GMDS: variants seen among roughly 807,000 people sequenced by gnomAD.
GMDS encodes the protein GDP-mannose 4,6-dehydratase, also known as GDP-mannose 4,6 dehydratase.
Under a neutral mutation model 49.9 loss-of-function variants are expected in GMDS, and 20 were observed. The ratio of observed to expected loss-of-function variants is 0.40; its 90% CI spans 0.28 to 0.58. The LOEUF (loss-of-function observed/expected upper bound fraction) is 0.58, where lower values mean the gene tolerates loss of function less well. Among genes scored for constraint, GMDS ranks in the 20% least tolerant of loss-of-function variants. The probability of loss-of-function intolerance (pLI) is 0.42; values close to 1 mark genes in which losing one functional copy is unlikely to be tolerated. For missense variants in GMDS, 362 were observed against 481.4 expected, an observed-to-expected ratio of 0.75 and a Z score of 2.32; for synonymous variants, 177 against 178.6, an observed-to-expected ratio of 0.99 and a Z score of 0.07.
intron 1 of GMDS, among the ~76,000 whole-genome samples, chr6:2,215,398 A>G (rs527804587): frequency 3.2e-4 from 49 of 152,306 alleles, no homozygotes; most frequent in Middle Eastern, 6.8e-3. Context: ...AGCAAAAGGA[A>G]AAATGAGAGC....
intron 9 of GMDS, among the ~76,000 whole-genome samples, chr6:1,723,530 T>C (rs1430190341): frequency 6.6e-6 from 1 of 151,802 alleles, no homozygotes; most frequent in Non-Finnish European, 1.5e-5. Context: ...GGGGTTTCAC[T>C]GTGTTAGCCA....
intron 4 of GMDS, among the ~76,000 whole-genome samples, chr6:2,105,127 A>G (rs917190066): frequency 7.8e-5 from 11 of 140,890 alleles, no homozygotes; most frequent in African/African-American, 2.9e-4. Flanking sequence ...GCTTGCAGTG[A>G]GCGGAGATCA....
At chr6:2,059,034 G>T (rs1202518756) in intron 4 of GMDS, among the ~76,000 whole-genome samples, 2 of 151,752 alleles carry the variant, frequency 1.3e-5, no homozygotes, top group Non-Finnish European at 2.9e-5. Flanking sequence ...AAATTAGCTG[G>T]GTGTGGTGGC....
At chr6:2,031,316 T>A (rs942207765) in intron 4 of GMDS, among the ~76,000 whole-genome samples, 2 of 152,164 alleles carry the variant, frequency 1.3e-5, no homozygotes, top group Admixed American at 1.3e-4. Flanking sequence ...AATTCACTCA[T>A]TCAATCAGTT....
Position 1,624,557 on chromosome 6 carries a change from G to A in GMDS, c.988-17C>T. 6.2e-7 allele frequency: 1 copy of A among 1,605,086 alleles called. No individual in the cohort carries two copies. The highest frequency in any genetic ancestry group is 8.5e-7 in the Non-Finnish European group (1 of 1,172,238). On this transcript the variant is annotated splice_polypyrimidine_tract_variant and intron_variant, in intron 9 of 10. Coordinates refer to ENST00000380815, the MANE Select transcript of GMDS (RefSeq NM_001500.4). ...CAGAAAGTCCTAGGGAAGAAGAGGGGGAGACGAAGCAGGCGTGGGTCGTGG... is the reference window on the plus strand; with the variant it reads ...CAGAAAGTCCTAGGGAAGAAGAGGGAGAGACGAAGCAGGCGTGGGTCGTGG...
intron 7 of GMDS, among the ~76,000 whole-genome samples, chr6:1,926,457 G>A (rs1762013330): frequency 6.6e-6 from 1 of 152,192 alleles, no homozygotes; most frequent in African/African-American, 2.4e-5. Flanking sequence ...TCTGCGAGGG[G>A]GATAAGGGAA....
chr6:1,924,810 G>A (rs749826712), intron 7 of GMDS, among the ~76,000 whole-genome samples: 1 of 152,176 alleles, frequency 6.6e-6, no homozygotes, highest in Non-Finnish European at 1.5e-5. Flanking sequence ...TCGTGAAGCT[G>A]CTTGAGCCTA....
chr6:1,808,932 C>T (rs1477674934), intron 7 of GMDS, among the ~76,000 whole-genome samples: 1 of 147,326 alleles, frequency 6.8e-6, no homozygotes, highest in African/African-American at 2.6e-5. Context: ...GTGTGTACAC[C>T]TATACACATC....
At chr6:2,174,546 T>C (rs1778176358) in intron 1 of GMDS, among the ~76,000 whole-genome samples, 3 of 151,440 alleles carry the variant, frequency 2.0e-5, no homozygotes, top group Admixed American at 6.6e-5. Flanking sequence ...TGGTGCCTAG[T>C]TTTTTTTGTT....
chr6:2,052,533 C>T (rs1188744890), intron 4 of GMDS, among the ~76,000 whole-genome samples: 1 of 152,132 alleles, frequency 6.6e-6, no homozygotes, highest in Non-Finnish European at 1.5e-5. Flanking sequence ...ATATCTTTGC[C>T]ATCTAAAATC....
At chr6:1,905,612 C>T (rs1760725266) in intron 7 of GMDS, among the ~76,000 whole-genome samples, 2 of 134,654 alleles carry the variant, frequency 1.5e-5, no homozygotes, top group African/African-American at 5.7e-5. Flanking sequence ...TAGGTGGGAC[C>T]TCAAAGGTAC....
intron 4 of GMDS, among the ~76,000 whole-genome samples, chr6:1,971,280 T>C (rs989343432): frequency 3.9e-5 from 6 of 152,154 alleles, no homozygotes; most frequent in Non-Finnish European, 8.8e-5. Flanking sequence ...CAGCCTCTTC[T>C]ATTTGCCTCC....
At chr6:1,706,245 A>G (rs1765732244) in intron 9 of GMDS, among the ~76,000 whole-genome samples, 1 of 152,164 alleles carries the variant, frequency 6.6e-6, no homozygotes, top group Admixed American at 6.5e-5. Context: ...GGCACAGCTG[A>G]TGATTCTGAG....
In GMDS at chr6:1,854,393, G is replaced by A. The variant is rs116690712; in HGVS notation, c.771+75710C>T. Among the ~76,000 whole-genome samples the A allele has an allele frequency of 4.6e-3, 704 of 152,300 alleles. 4 individuals are homozygous for A. The highest frequency in any genetic ancestry group is 0.016 in the African/African-American group (665 of 41,578). On this transcript the variant is annotated intron_variant, in intron 7 of 10. Transcript: ENST00000380815. ...TGTTGTAAACACCAAAACACAACAC[G>A]CTGATGACAAACTTCCAATGTTCTC...
At chr6:1,776,121 G>A (rs1180752663) in intron 7 of GMDS, among the ~76,000 whole-genome samples, 1 of 152,078 alleles carries the variant, frequency 6.6e-6, no homozygotes, top group Non-Finnish European at 1.5e-5. Context: ...AACGAAAGCC[G>A]TGACCGTTCA....
intron 1 of GMDS, among the ~76,000 whole-genome samples, chr6:2,164,054 C>G (rs974593118): frequency 2.0e-5 from 3 of 152,200 alleles, no homozygotes; most frequent in African/African-American, 4.8e-5. Flanking sequence ...TGAGCCAAGT[C>G]TAGCATTTCT....
At chr6:1,806,439 AACACACACACAC>A (rs34940754) in intron 7 of GMDS, among the ~76,000 whole-genome samples, 2 of 146,110 alleles carry the variant, frequency 1.4e-5, no homozygotes, top group East Asian at 2.0e-4. Flanking sequence ...AGCACATGGG[AACACACACACAC>A]ACACACACAC....
intron 9 of GMDS, among the ~76,000 whole-genome samples, chr6:1,709,027 T>G (rs1208428031): frequency 2.0e-5 from 3 of 152,198 alleles, no homozygotes; most frequent in African/African-American, 7.2e-5. Context: ...TGATGTCCCC[T>G]GATTGCCGAG....
intron 7 of GMDS, among the ~76,000 whole-genome samples, chr6:1,866,897 C>A (rs1454789739): frequency 6.6e-6 from 1 of 152,240 alleles, no homozygotes; most frequent in African/African-American, 2.4e-5. Context: ...ATCTGACACA[C>A]ACCATGCTCA....
Sources: allele counts gnomAD v4.1 joint callset (sites outside exome capture counted in the v4.1 genomes callset), GRCh38; gene constraint gnomAD v4.1.1; transcripts MANE v1.5; gene names NCBI Gene and HGNC (gene_info 2026-07-23, HGNC 2026-07-21).